LINGO2: variants seen among roughly 807,000 people sequenced by gnomAD.
The protein encoded by LINGO2 is leucine-rich repeat and immunoglobulin-like domain-containing nogo receptor-interacting protein 2.
A neutral mutation model predicts 30.6 loss-of-function variants in LINGO2; 14 were observed. That is an observed-to-expected ratio of 0.46 (90% CI 0.30 to 0.72). The LOEUF is 0.72. LINGO2 is among the 30% of genes least tolerant of loss of function. The pLI is 0.07. For synonymous variants in LINGO2, 317 were observed against 288.5 expected, an observed-to-expected ratio of 1.10 and a Z score of -1.00; for missense variants, 729 against 751.7, an observed-to-expected ratio of 0.97 and a Z score of 0.35.
the LINGO2 span, among the ~76,000 whole-genome samples, chr9:29,180,934 T>A: frequency 0.048 from 7,278 of 152,274 alleles, 558 homozygotes; most frequent in African/African-American, 0.17. Flanking sequence ...AAAGGTTACG[T>A]ACATTTTGTA....
At chr9:28,637,698 T>G (rs548505644) in intron 1 of LINGO2, among the ~76,000 whole-genome samples, 33 of 152,182 alleles carry the variant, frequency 2.2e-4, no homozygotes, top group Non-Finnish European at 3.7e-4. Flanking sequence ...CTGAAGTTGC[T>G]TATCAGCTTA....
At chr9:28,650,200 TCAAAA>T (rs1554650626) in intron 1 of LINGO2, among the ~76,000 whole-genome samples, 1 of 152,134 alleles carries the variant, frequency 6.6e-6, no homozygotes, top group Non-Finnish European at 1.5e-5. Flanking sequence ...GTTACAACTC[TCAAAA>T]CAAAACAAAA....
exon 6 of LINGO2, chr9:27,949,990 T>C: frequency 1.2e-6 from 2 of 1,614,122 alleles, no homozygotes; most frequent in East Asian, 2.2e-5. Context: ...TCTAGGTGTT[T>C]CAGGTGGAAC....
At chr9:28,711,579 A>G in the LINGO2 span, among the ~76,000 whole-genome samples, 2 of 152,288 alleles carry the variant, frequency 1.3e-5, no homozygotes, top group Non-Finnish European at 1.5e-5. Flanking sequence ...TCCTAGAGAA[A>G]TTAATATAAA....
chr9:29,078,057 T>G, the LINGO2 span, among the ~76,000 whole-genome samples: 2 of 152,056 alleles, frequency 1.3e-5, no homozygotes, highest in African/African-American at 2.4e-5. Flanking sequence ...CCTTTAGTCT[T>G]TCTTCAGCAG....
intron 4 of LINGO2, among the ~76,000 whole-genome samples, chr9:28,283,400 A>T (rs1823395323): frequency 6.6e-6 from 1 of 152,226 alleles, no homozygotes; most frequent in Admixed American, 6.5e-5. Flanking sequence ...CCATAAAAAG[A>T]AATACTAAGG....
intron 4 of LINGO2, among the ~76,000 whole-genome samples, chr9:28,026,297 T>A (rs1823372651): frequency 6.6e-6 from 1 of 152,190 alleles, no homozygotes; most frequent in African/African-American, 2.4e-5. Flanking sequence ...CCTGGAGGAT[T>A]CCACTTTGCA....
At chr9:28,471,295 T>C (rs568877688) in intron 2 of LINGO2, among the ~76,000 whole-genome samples, 3 of 152,160 alleles carry the variant, frequency 2.0e-5, no homozygotes, top group Admixed American at 6.5e-5. Flanking sequence ...TGTCATAACA[T>C]GGTAGAAAAA....
intron 4 of LINGO2, among the ~76,000 whole-genome samples, chr9:28,019,349 T>A (rs1236818414): frequency 6.7e-6 from 1 of 149,916 alleles, no homozygotes; most frequent in Non-Finnish European, 1.5e-5. Flanking sequence ...TAGTAATGGA[T>A]TAGCAAACAC....
the LINGO2 span, among the ~76,000 whole-genome samples, chr9:29,100,751 G>A: frequency 1.3e-5 from 2 of 152,146 alleles, no homozygotes; most frequent in African/African-American, 4.8e-5. Context: ...AAGGATACAT[G>A]CTTGAGGAGA....
the LINGO2 span, among the ~76,000 whole-genome samples, chr9:29,199,162 A>G: frequency 6.6e-6 from 1 of 152,120 alleles, no homozygotes. Context: ...TGTAGACTGC[A>G]GTGTCTAAAG....
At chr9:28,622,641 A>G (rs1826457303) in intron 1 of LINGO2, among the ~76,000 whole-genome samples, 1 of 152,044 alleles carries the variant, frequency 6.6e-6, no homozygotes, top group Non-Finnish European at 1.5e-5. Flanking sequence ...TATTGTAAAC[A>G]GTGCTGCAAC....
At chr9:28,623,389 T>C (rs1418064623) in intron 1 of LINGO2, among the ~76,000 whole-genome samples, 1 of 152,132 alleles carries the variant, frequency 6.6e-6, no homozygotes, top group Admixed American at 6.6e-5. Flanking sequence ...GATAAGGTTC[T>C]AATTTCATTC....
intron 4 of LINGO2, among the ~76,000 whole-genome samples, chr9:28,292,570 C>A (rs892222871): frequency 6.6e-4 from 100 of 152,054 alleles, no homozygotes; most frequent in African/African-American, 2.4e-3. Context: ...TCAAGCGATT[C>A]TCCTGCCTCA....
At chr9:28,459,053 C>T (rs78246286) in intron 2 of LINGO2, among the ~76,000 whole-genome samples, 1,951 of 151,846 alleles carry the variant, frequency 0.013, 36 homozygotes, top group African/African-American at 0.045. Flanking sequence ...ATCCTGGCAT[C>T]AATGAATGTA....
the LINGO2 span, among the ~76,000 whole-genome samples, chr9:29,086,592 C>A: frequency 6.6e-6 from 1 of 152,022 alleles, no homozygotes; most frequent in Non-Finnish European, 1.5e-5. Flanking sequence ...ATTTAATGTT[C>A]TTCTAGGAAA....
chr9:28,117,106 T>A (rs975921935), intron 4 of LINGO2, among the ~76,000 whole-genome samples: 61 of 142,764 alleles, frequency 4.3e-4, no homozygotes, highest in African/African-American at 1.4e-3. Context: ...ATGTCCTTTC[T>A]GGTTGTTAGT....
At chr9:28,332,426 T>C (rs1347525757) in intron 3 of LINGO2, among the ~76,000 whole-genome samples, 1 of 152,172 alleles carries the variant, frequency 6.6e-6, no homozygotes, top group Non-Finnish European at 1.5e-5. Flanking sequence ...AAAACAGTAA[T>C]GTACCAATTC....
At chr9:28,012,018 G>T (rs1822581056) in intron 5 of LINGO2, among the ~76,000 whole-genome samples, 1 of 152,112 alleles carries the variant, frequency 6.6e-6, no homozygotes, top group Non-Finnish European at 1.5e-5. Flanking sequence ...CATCTAGGGT[G>T]CAGTGGAACT....
Sources: allele counts gnomAD v4.1 joint callset (sites outside exome capture counted in the v4.1 genomes callset), GRCh38; gene constraint gnomAD v4.1.1; transcripts MANE v1.5; gene names NCBI Gene and HGNC (gene_info 2026-07-23, HGNC 2026-07-21).